PRR16: variants seen among roughly 807,000 people sequenced by gnomAD.
The protein encoded by PRR16 is proline rich 16, also known as protein Largen.
PRR16 carries 6 observed loss-of-function variants against 18.2 expected under a neutral mutation model. That is an observed-to-expected ratio of 0.33 (90% CI 0.18 to 0.65). PRR16 has a LOEUF of 0.65. PRR16 is among the 30% of genes least tolerant of loss of function. The probability of loss-of-function intolerance (pLI) is 0.74; values close to 1 mark genes in which losing one functional copy is unlikely to be tolerated. For missense variants in PRR16, 412 were observed against 376.6 expected, an observed-to-expected ratio of 1.09 and a Z score of -0.78; for synonymous variants, 151 against 147.8, an observed-to-expected ratio of 1.02 and a Z score of -0.16.
chr5:120,465,024 T>TC (rs1310519880), intron 1 of PRR16, among the ~76,000 whole-genome samples: 1 of 152,014 alleles, frequency 6.6e-6, no homozygotes, highest in Non-Finnish European at 1.5e-5. Context: ...CCCTATTGCT[T>TC]CCCCAGAGTC....
At chr5:120,760,034 TC>T in the PRR16 span, among the ~76,000 whole-genome samples, 1 of 152,114 alleles carries the variant, frequency 6.6e-6, no homozygotes, top group African/African-American at 2.4e-5. Context: ...AGTCTCTAAG[TC>T]TAAAAGCAAA....
chr5:120,645,027 A>G (rs1755542133), intron 1 of PRR16, among the ~76,000 whole-genome samples: 1 of 152,054 alleles, frequency 6.6e-6, no homozygotes, highest in African/African-American at 2.4e-5. Flanking sequence ...CAACGTTTGT[A>G]TCTCTTGTTA....
chr5:120,694,846 A>T, the PRR16 span, among the ~76,000 whole-genome samples: 88,023 of 152,100 alleles, frequency 0.58, 26,158 homozygotes, highest in East Asian at 0.9. Context: ...TACACTAGTC[A>T]TCTTTACATC....
intron 1 of PRR16, among the ~76,000 whole-genome samples, chr5:120,522,975 T>TATAC: frequency 6.6e-6 from 1 of 152,302 alleles, no homozygotes; most frequent in South Asian, 2.1e-4. Context: ...TCACCATACT[T>TATAC]TGTATAGAAC....
downstream of PRR16, among the ~76,000 whole-genome samples, chr5:120,690,886 G>A (rs1303737615): frequency 6.6e-6 from 1 of 152,018 alleles, no homozygotes; most frequent in Non-Finnish European, 1.5e-5. Context: ...AACCTGAAGT[G>A]TAACATAAAG....
intron 1 of PRR16, among the ~76,000 whole-genome samples, chr5:120,548,813 C>CAGGGAACAGACAGTGATATACACCA (rs1752157234): frequency 1.0e-5 from 1 of 96,692 alleles, no homozygotes; most frequent in Non-Finnish European, 2.3e-5. Flanking sequence ...ATATACACCA[C>CAGGGAACAGACAGTGATATACACCA]TGCGTGACTG....
intron 1 of PRR16, among the ~76,000 whole-genome samples, chr5:120,669,857 G>A (rs1306671739): frequency 6.6e-6 from 1 of 151,964 alleles, no homozygotes; most frequent in African/African-American, 2.4e-5. Flanking sequence ...AAGTACAATA[G>A]AAATATACCG....
chr5:120,764,180 G>A, the PRR16 span, among the ~76,000 whole-genome samples: 21,844 of 152,000 alleles, frequency 0.14, 2,298 homozygotes, highest in African/African-American at 0.3. Context: ...TTTCAGTGTG[G>A]TGTTTTCTGT....
chr5:120,498,095 A>C (rs540127189), intron 1 of PRR16, among the ~76,000 whole-genome samples: 14 of 151,124 alleles, frequency 9.3e-5, no homozygotes, highest in African/African-American at 3.1e-4. Flanking sequence ...TGTTTTTGGC[A>C]TTCCTTCTCT....
chr5:120,650,597 C>A (rs182581166), intron 1 of PRR16, among the ~76,000 whole-genome samples: 3 of 150,968 alleles, frequency 2.0e-5, no homozygotes, highest in South Asian at 2.1e-4. Context: ...TTTGTCCTTG[C>A]GATAGTTTGC....
chr5:120,648,797 C>A (rs561614180), intron 1 of PRR16, among the ~76,000 whole-genome samples: 4 of 152,108 alleles, frequency 2.6e-5, no homozygotes, highest in African/African-American at 9.6e-5. Context: ...TAGTATTTGC[C>A]CGTTCTTACA....
At chr5:120,582,207 A>G (rs1177787942) in intron 1 of PRR16, among the ~76,000 whole-genome samples, 1 of 152,288 alleles carries the variant, frequency 6.6e-6, no homozygotes. Context: ...TCAGAAACAG[A>G]AAATGAAATA....
At chr5:120,464,705 T>C in intron 1 of PRR16, 60 bp downstream of exon 1, 1 of 1,433,974 alleles carries the variant, frequency 7.0e-7, no homozygotes, top group Non-Finnish European at 9.2e-7. Context: ...GGGGTCCCCT[T>C]TCCGATTTTC....
the PRR16 span, among the ~76,000 whole-genome samples, chr5:120,777,285 T>G: frequency 1.3e-5 from 2 of 152,030 alleles, no homozygotes; most frequent in African/African-American, 2.4e-5. Context: ...TCGGACACTG[T>G]GCTTGTTAAC....
At chr5:120,496,654 G>T (rs1263378730) in intron 1 of PRR16, among the ~76,000 whole-genome samples, 1 of 151,366 alleles carries the variant, frequency 6.6e-6, no homozygotes, top group Non-Finnish European at 1.5e-5. Flanking sequence ...GAAGAAAAAG[G>T]GCTCTATATT....
chr5:120,708,128 TGAC>T, the PRR16 span, among the ~76,000 whole-genome samples: 2 of 152,364 alleles, frequency 1.3e-5, no homozygotes, highest in Middle Eastern at 3.4e-3. Flanking sequence ...GTATTTCTGA[TGAC>T]AGTGAAAACG....
chr5:120,685,170 A>G (rs1757082070), intron 1 of PRR16, among the ~76,000 whole-genome samples: 1 of 152,106 alleles, frequency 6.6e-6, no homozygotes, highest in Non-Finnish European at 1.5e-5. Flanking sequence ...TATAAGGGAG[A>G]ACAGTCTGAG....
the PRR16 span, among the ~76,000 whole-genome samples, chr5:120,700,424 T>C: frequency 3.7e-4 from 57 of 152,078 alleles, 2 homozygotes; most frequent in East Asian, 0.01. Context: ...AGGTATCTCA[T>C]ACTTGTGGGT....
At chr5:120,705,843 T>C in the PRR16 span, among the ~76,000 whole-genome samples, 2 of 152,072 alleles carry the variant, frequency 1.3e-5, no homozygotes, top group Non-Finnish European at 1.5e-5. Context: ...TGGTACAAGA[T>C]GATGTGGATA....
Sources: gnomAD v4.1 joint callset for allele counts (sites outside exome capture counted in the v4.1 genomes callset) on GRCh38, gnomAD v4.1.1 for gene constraint, MANE v1.5 for transcripts, NCBI Gene and HGNC (gene_info 2026-07-23, HGNC 2026-07-21) for gene names.